The following ZMAT4 variants were observed in gnomAD, a reference collection of about 807,000 sequenced individuals.
ZMAT4 encodes zinc finger matrin-type protein 4.
ZMAT4 carries 17 observed loss-of-function variants against 28.7 expected under a neutral mutation model. The ratio of observed to expected loss-of-function variants is 0.59; its 90% CI spans 0.41 to 0.89. ZMAT4 has a LOEUF of 0.89. ZMAT4 is among the 40% of genes least tolerant of loss of function. The probability of loss-of-function intolerance (pLI) is 0.00; values close to 1 mark genes in which losing one functional copy is unlikely to be tolerated. For missense variants in ZMAT4, 240 were observed against 283.8 expected (o/e 0.85, Z 1.11); for synonymous variants, 117 against 109.2 (o/e 1.07, Z -0.44).
intron 5 of ZMAT4, among the ~76,000 whole-genome samples, chr8:40,648,043 C>T (rs537957252): frequency 4.2e-4 from 64 of 152,352 alleles, no homozygotes; most frequent in Non-Finnish European, 7.3e-4. Context: ...GAACGCAGTT[C>T]CTCACCAGCA....
intron 3 of ZMAT4, among the ~76,000 whole-genome samples, chr8:40,732,409 C>A (rs767715424): frequency 1.3e-5 from 2 of 152,124 alleles, no homozygotes; most frequent in African/African-American, 2.4e-5. Flanking sequence ...GGAGCCAGCA[C>A]AATGAGGTGC....
At chr8:40,726,347 T>A (rs1563438974) in intron 3 of ZMAT4, among the ~76,000 whole-genome samples, 1 of 152,216 alleles carries the variant, frequency 6.6e-6, no homozygotes, top group Non-Finnish European at 1.5e-5. Context: ...GACAAATAGT[T>A]TCAGAGGAGT....
intron 5 of ZMAT4, among the ~76,000 whole-genome samples, chr8:40,594,146 C>T (rs564898183): frequency 1.3e-5 from 2 of 152,312 alleles, no homozygotes; most frequent in Admixed American, 6.5e-5. Context: ...GACACTGACA[C>T]CCTGACACCT....
At chr8:40,650,005 A>G (rs995886596) in intron 5 of ZMAT4, among the ~76,000 whole-genome samples, 8 of 152,090 alleles carry the variant, frequency 5.3e-5, no homozygotes, top group African/African-American at 1.9e-4. Flanking sequence ...CTAACATCAC[A>G]ATTAAAAGAA....
chr8:40,696,811 T>A (rs1380595884), intron 4 of ZMAT4, among the ~76,000 whole-genome samples: 1 of 151,960 alleles, frequency 6.6e-6, no homozygotes, highest in Non-Finnish European at 1.5e-5. Flanking sequence ...CCTCCCACTC[T>A]CCCCTGCCAA....
intron 1 of ZMAT4, among the ~76,000 whole-genome samples, chr8:40,826,425 T>A (rs1356078330): frequency 6.6e-6 from 1 of 152,216 alleles, no homozygotes; most frequent in Non-Finnish European, 1.5e-5. Flanking sequence ...ATAGCACTTA[T>A]CTTTGGGAAA....
Position 40,845,009 on chromosome 8 carries a change from T to A in ZMAT4, c.-4-19329A>T, listed in dbSNP as rs116994673. 5.8e-4 allele frequency among the ~76,000 whole-genome samples: 89 copies of A among 152,270 alleles called. 3 individuals are homozygous for A. The East Asian group carries it at 0.017, about 29-fold the overall frequency. ...CCTCACGACCATAAACTGCACATAC[T>A]CATGCACCAGAAAGACAAAAGCAAG... On this transcript the variant is annotated intron_variant, in intron 1 of 6. Coordinates refer to ENST00000297737, the MANE Select transcript of ZMAT4 (RefSeq NM_024645.3).
At chr8:40,711,722 G>C (rs1030250631) in intron 3 of ZMAT4, among the ~76,000 whole-genome samples, 2 of 152,190 alleles carry the variant, frequency 1.3e-5, no homozygotes, top group Non-Finnish European at 2.9e-5. Context: ...ATGCTCATTA[G>C]AGGGGTACAT....
chr8:40,656,887 G>A (rs999659874), intron 5 of ZMAT4, among the ~76,000 whole-genome samples: 1 of 151,864 alleles, frequency 6.6e-6, no homozygotes, highest in Non-Finnish European at 1.5e-5. Flanking sequence ...CTATGGTGAG[G>A]GAATAATGGG....
In ZMAT4 at chr8:40,757,973, C is replaced by T. The variant is rs183958606; in HGVS notation, c.192+9668G>A. Among the ~76,000 whole-genome samples the T allele has an allele frequency of 1.9e-3, 287 of 152,270 alleles. 2 individuals are homozygous for T. Among genetic ancestry groups the T allele is most frequent in the Non-Finnish European group, 2.9e-3 (200 of 68,022 alleles). On this transcript the variant is annotated intron_variant, in intron 3 of 6. Transcript: ENST00000297737. ...CCTAGTCTTTCTCCCATGCTGGATC[C>T]TTCCTGCCCTAGAACATCAGACTCC...
chr8:40,840,195 C>T (rs553771634), intron 1 of ZMAT4, among the ~76,000 whole-genome samples: 43 of 152,310 alleles, frequency 2.8e-4, no homozygotes, highest in African/African-American at 8.9e-4. Flanking sequence ...CCTTCAGGAA[C>T]GGCTTGCTTC....
At chr8:40,884,068 G>A (rs1225984931) in intron 1 of ZMAT4, among the ~76,000 whole-genome samples, 1 of 152,164 alleles carries the variant, frequency 6.6e-6, no homozygotes. Flanking sequence ...TGTGTGCAGG[G>A]AGCATTTGTC....
intron 6 of ZMAT4, among the ~76,000 whole-genome samples, chr8:40,577,833 C>A (rs986179966): frequency 3.3e-5 from 5 of 151,628 alleles, no homozygotes; most frequent in South Asian, 4.2e-4. Context: ...ATTAAATAAT[C>A]AAATTTATTC....
rs566182934 is a variant in ZMAT4 at position 40,618,471 on chromosome 8, C to A, written c.578-37210G>T. 3.3e-4 allele frequency among the ~76,000 whole-genome samples: 50 copies of A among 152,256 alleles called. No individual in the cohort carries two copies. In the South Asian group the frequency reaches 1.0e-2, roughly 30 times the overall value. ...ACTGATGCTGCAGATTTAAAAAATACAACGGTGGTTTCAATATCTTTTAAG... is the reference window on the plus strand; with the variant it reads ...ACTGATGCTGCAGATTTAAAAAATAAAACGGTGGTTTCAATATCTTTTAAG... On this transcript the variant is annotated intron_variant, in intron 5 of 6. Coordinates refer to ENST00000297737, the MANE Select transcript of ZMAT4 (RefSeq NM_024645.3).
intron 6 of ZMAT4, among the ~76,000 whole-genome samples, chr8:40,569,302 A>T (rs1804019726): frequency 6.6e-6 from 1 of 152,232 alleles, no homozygotes; most frequent in Non-Finnish European, 1.5e-5. Flanking sequence ...CATTTACTTA[A>T]TTCAATTGCC....
At chr8:40,675,663 T>C (rs1198345790) in intron 4 of ZMAT4, among the ~76,000 whole-genome samples, 1 of 152,166 alleles carries the variant, frequency 6.6e-6, no homozygotes, top group African/African-American at 2.4e-5. Flanking sequence ...GTGCTATAAA[T>C]GTAATTAACC....
chr8:40,622,428 G>A (rs531409554), intron 5 of ZMAT4, among the ~76,000 whole-genome samples: 15 of 152,238 alleles, frequency 9.9e-5, no homozygotes, highest in Middle Eastern at 3.4e-3. Flanking sequence ...ACAGAGTTAC[G>A]GAGAAAAAAG....
rs534687654 is a variant in ZMAT4, at chr8:40,704,507, C to T, written c.193-7106G>A. Among the ~76,000 whole-genome samples the T allele has an allele frequency of 6.6e-5, 10 of 152,330 alleles. 1 individual carries two copies. In the South Asian group the frequency reaches 1.9e-3, roughly 28 times the overall value. Reference sequence around the variant, plus strand: ...CCTCTCCCAGTCCTTAACATCCTTGCCATACATTTTGATTTGGTCCTGCCC... The same window carrying T: ...CCTCTCCCAGTCCTTAACATCCTTGTCATACATTTTGATTTGGTCCTGCCC... On this transcript the variant is annotated intron_variant, in intron 3 of 6. Coordinates refer to ENST00000297737, the MANE Select transcript of ZMAT4 (RefSeq NM_024645.3).
At chr8:40,785,340 G>T (rs1814026084) in intron 2 of ZMAT4, among the ~76,000 whole-genome samples, 3 of 152,166 alleles carry the variant, frequency 2.0e-5, no homozygotes, top group African/African-American at 7.2e-5. Flanking sequence ...ATTAATAACT[G>T]CCCAGCTTGT....
Sources: allele counts gnomAD v4.1 joint callset (sites outside exome capture counted in the v4.1 genomes callset), GRCh38; gene constraint gnomAD v4.1.1; transcripts MANE v1.5; gene names NCBI Gene and HGNC (gene_info 2026-07-23, HGNC 2026-07-21).